The following C9orf43 variants were observed in gnomAD, a reference collection of about 807,000 sequenced individuals.
C9orf43 encodes chromosome 9 open reading frame 43, also known as uncharacterized protein C9orf43.
Under a neutral mutation model 59.1 loss-of-function variants are expected in C9orf43, and 45 were observed. The ratio of observed to expected loss-of-function variants is 0.76; its 90% CI spans 0.60 to 0.98. C9orf43 has a LOEUF of 0.98. Ranked by LOEUF, C9orf43 falls within the 50% of genes least tolerant of loss-of-function variation. C9orf43 has a pLI of 0.00. For missense variants in C9orf43, 533 were observed against 554.9 expected (o/e 0.96, Z 0.40); for synonymous variants, 203 against 196.8 (o/e 1.03, Z -0.26).
chr9:113,428,083 A>G, intron 11 of C9orf43, 64 bp from the exon 12 acceptor site: 1 of 1,538,908 alleles, frequency 6.5e-7, no homozygotes, highest in Non-Finnish European at 9.0e-7. Context: ...GGTCACCTAG[A>G]AGCCCCCAAA....
chr9:113,425,355 C>T lies in C9orf43; in HGVS notation c.877C>T (p.Gln293Ter), dbSNP rs779425987. The change falls in exon 10 of 14, where the codon CAG becomes TAG. Residue 293 changes from glutamine (Q) to a stop codon, truncating the protein, a stop_gained. Coordinates refer to ENST00000374165, the MANE Select transcript of C9orf43 (RefSeq NM_001278629.2). LOFTEE classifies it high-confidence loss of function. ...TCTCTGGTCACCAGGTTACAGGAAA[C>T]AGCAGCAGCGGCAGCAGCAGCAGCA... ...HNLKTEGYRK[Q>*]QQRQQQQQQQ... 1.3e-5 allele frequency: 21 copies of T among 1,613,508 alleles called. No homozygotes were observed. The East Asian group carries it at 3.6e-4, about 27-fold the overall frequency.
chr9:113,412,250 C>T (rs936157378), intron 1 of C9orf43, among the ~76,000 whole-genome samples: 1 of 152,140 alleles, frequency 6.6e-6, no homozygotes, highest in Non-Finnish European at 1.5e-5. Context: ...TCAGTGTTGT[C>T]AAGTATTTTG....
intron 8 of C9orf43, 46 bp from the exon 9 acceptor site, chr9:113,424,973 G>T (rs376559063): frequency 6.5e-7 from 1 of 1,538,498 alleles, no homozygotes. Context: ...TGGAGAAAGG[G>T]AAAGACCTGC....
Position 113,429,315 on chromosome 9 carries a change from C to T in C9orf43, c.1315C>T (p.Leu439Phe). 2 of 1,614,204 alleles carry T rather than the reference C, an allele frequency of 1.2e-6. No individual in the cohort carries two copies. Among genetic ancestry groups the T allele is most frequent in the Non-Finnish European group, 1.7e-6 (2 of 1,180,022 alleles). The change falls in exon 14 of 14, where the codon CTC (leucine) becomes TTC (phenylalanine). Residue 439 changes from leucine (L) to phenylalanine (F), a missense_variant. By Grantham distance (22) the Leu-to-Phe change is conservative. Transcript: ENST00000374165. Reference protein sequence around the residue: ...IMASTGWNSELKLLRILQDTD... With the variant: ...IMASTGWNSEFKLLRILQDTD... Reference sequence around the variant, plus strand: ...GGCTAGCACAGGCTGGAACTCTGAGCTCAAACTACTTAGGATTCTTCAGGA... The same window carrying T: ...GGCTAGCACAGGCTGGAACTCTGAGTTCAAACTACTTAGGATTCTTCAGGA...
At chr9:113,422,617 A>C in intron 6 of C9orf43, 32 bp downstream of exon 6, 1 of 1,612,484 alleles carries the variant, frequency 6.2e-7, no homozygotes, top group Non-Finnish European at 8.5e-7. Flanking sequence ...AAACCTTTAT[A>C]ATATTGCTAT....
chr9:113,416,360 C>G (rs1828358227), intron 3 of C9orf43, among the ~76,000 whole-genome samples: 1 of 152,220 alleles, frequency 6.6e-6, no homozygotes, highest in South Asian at 2.1e-4. Flanking sequence ...CTGTCTGGCT[C>G]CTCTAATCAG....
At chr9:113,424,632 TCCTCCTA>T (rs755814443) in intron 8 of C9orf43, among the ~76,000 whole-genome samples, 54 of 151,644 alleles carry the variant, frequency 3.6e-4, no homozygotes, top group Non-Finnish European at 7.4e-4. Context: ...GATGAAGTCA[TCCTCCTA>T]CCTCAGCCTC....
chr9:113,419,042 G>A, intron 3 of C9orf43, 66 bp from the exon 4 acceptor site: 1 of 1,289,932 alleles, frequency 7.8e-7, no homozygotes, highest in Non-Finnish European at 1.1e-6. Flanking sequence ...TTTCCTCATA[G>A]CACTAACGTT....
chr9:113,415,675 T>C (rs1828331577), intron 3 of C9orf43, among the ~76,000 whole-genome samples: 1 of 152,186 alleles, frequency 6.6e-6, no homozygotes, highest in Admixed American at 6.5e-5. Context: ...AGTGCCTTTT[T>C]TTTTTCTTTT....
Position 113,429,677 on chromosome 9 carries a change from C to A in C9orf43, c.*291C>A, listed in dbSNP as rs1382143170. 4 of 315,016 alleles carry A rather than the reference C, an allele frequency of 1.3e-5. No individual in the cohort carries two copies. Among genetic ancestry groups the A allele is most frequent in the Non-Finnish European group, 2.3e-5 (4 of 172,156 alleles). 19.5% of individuals were successfully genotyped at this position (315,016 alleles called of 1,614,324 possible). ...TAATTTTGGTGATTAAACACAACTG[C>A]TTTTCAATCAAAAGACTTATTTTCT... is the stretch of plus-strand genomic sequence containing the variant. On this transcript the variant is annotated 3_prime_UTR_variant, in exon 14 of 14. Coordinates refer to ENST00000374165, the MANE Select transcript of C9orf43 (RefSeq NM_001278629.2).
chr9:113,413,921 C>T (rs202243408), intron 3 of C9orf43, 27 bp downstream of exon 3: 48 of 1,589,426 alleles, frequency 3.0e-5, no homozygotes, highest in Admixed American at 5.5e-5. Flanking sequence ...TCTTCCTTTA[C>T]AGCCTATTGT....
intron 4 of C9orf43, 64 bp downstream of exon 4, chr9:113,419,229 T>C: frequency 8.0e-7 from 1 of 1,250,826 alleles, no homozygotes; most frequent in Non-Finnish European, 1.1e-6. Flanking sequence ...AATAAACTAT[T>C]CTGCCTTTAT....
chr9:113,411,945 G>A (rs1828179120), intron 1 of C9orf43, among the ~76,000 whole-genome samples: 1 of 152,214 alleles, frequency 6.6e-6, no homozygotes, highest in Non-Finnish European at 1.5e-5. Flanking sequence ...AAAGTGCTGA[G>A]ATTACAGGCA....
chr9:113,411,139 G>C, intron 1 of C9orf43, 138 bp downstream of exon 1: 2 of 984,828 alleles, frequency 2.0e-6, no homozygotes, highest in Non-Finnish European at 2.4e-6. Flanking sequence ...GACTGGGCAG[G>C]TAACGAAAGG....
chr9:113,422,494 T>C, intron 5 of C9orf43, 55 bp from the exon 6 acceptor site: 1 of 1,605,784 alleles, frequency 6.2e-7, no homozygotes, highest in Non-Finnish European at 8.5e-7. Flanking sequence ...CTTACTCTTA[T>C]TTCAAGTCCA....
At chr9:113,417,219 A>G (rs1828393514) in intron 3 of C9orf43, among the ~76,000 whole-genome samples, 1 of 152,160 alleles carries the variant, frequency 6.6e-6, no homozygotes, top group African/African-American at 2.4e-5. Context: ...TTGAGAGAAT[A>G]TGGTCCTTTT....
At chr9:113,419,236 T>C in intron 4 of C9orf43, 71 bp downstream of exon 4, 1 of 1,150,240 alleles carries the variant, frequency 8.7e-7, no homozygotes, top group Non-Finnish European at 1.3e-6. Context: ...TATTCTGCCT[T>C]TATTTGAAAT....
chr9:113,426,695 G>A (rs1031455238), intron 11 of C9orf43, among the ~76,000 whole-genome samples: 1 of 152,112 alleles, frequency 6.6e-6, no homozygotes, highest in African/African-American at 2.4e-5. Context: ...AGGAGGTGAT[G>A]TATCCAAGGT....
At chr9:113,416,598 A>G (rs750514259) in intron 3 of C9orf43, among the ~76,000 whole-genome samples, 49 of 151,478 alleles carry the variant, frequency 3.2e-4, no homozygotes, top group Non-Finnish European at 6.9e-4. Flanking sequence ...TGCTCTTTCA[A>G]TTCCTCATCT....
Sources: gnomAD v4.1 joint callset for allele counts (sites outside exome capture counted in the v4.1 genomes callset) on GRCh38, gnomAD v4.1.1 for gene constraint, MANE v1.5 for transcripts, NCBI Gene and HGNC (gene_info 2026-07-23, HGNC 2026-07-21) for gene names.